Variants in PTPRD observed in about 807,000 individuals in gnomAD.
PTPRD encodes protein tyrosine phosphatase receptor type D.
Under a neutral mutation model 214.5 loss-of-function variants are expected in PTPRD, and 34 were observed. The ratio of observed to expected loss-of-function variants is 0.16; its 90% CI spans 0.12 to 0.21. The LOEUF is 0.21. Among genes scored for constraint, PTPRD ranks in the 10% least tolerant of loss-of-function variants. PTPRD has a pLI of 1.00. For synonymous variants in PTPRD, 1,128 were observed against 845.7 expected, an observed-to-expected ratio of 1.33 and a Z score of -5.79; for missense variants, 2,545 against 2,398.7, an observed-to-expected ratio of 1.06 and a Z score of -1.27.
At chr9:9,595,440 A>G (rs1195717437) in intron 7 of PTPRD, among the ~76,000 whole-genome samples, 1 of 150,102 alleles carries the variant, frequency 6.7e-6, no homozygotes, top group Non-Finnish European at 1.5e-5. Flanking sequence ...ACACACGTGT[A>G]CACATGCATA....
chr9:10,143,197 C>T (rs1185727117), intron 3 of PTPRD, among the ~76,000 whole-genome samples: 3 of 151,930 alleles, frequency 2.0e-5, no homozygotes, highest in South Asian at 4.2e-4. Flanking sequence ...GTGGGTGCAG[C>T]GCACCGGCAT....
At chr9:9,407,689 T>A (rs1228760508) in intron 8 of PTPRD, among the ~76,000 whole-genome samples, 1 of 151,836 alleles carries the variant, frequency 6.6e-6, no homozygotes, top group Non-Finnish European at 1.5e-5. Context: ...TCAGTTTCTT[T>A]ACTTGTTCCT....
rs567654221 is a variant in PTPRD, at chr9:8,567,560, A to G, written c.353-38781T>C. Reference sequence around the variant, plus strand: ...GCACAGTCATCATGGTATTTCCAGCATTTTGCTAGGCCTCAGTGCCACAGT... The same window carrying G: ...GCACAGTCATCATGGTATTTCCAGCGTTTTGCTAGGCCTCAGTGCCACAGT... On this transcript the variant is annotated intron_variant, in intron 14 of 45. Transcript: ENST00000381196. 2.6e-5 allele frequency among the ~76,000 whole-genome samples: 4 copies of G among 152,286 alleles called. No individual in the cohort carries two copies. In the East Asian group the frequency reaches 7.7e-4, roughly 29 times the overall value.
intron 8 of PTPRD, among the ~76,000 whole-genome samples, chr9:9,435,457 G>A (rs758700636): frequency 4.0e-5 from 6 of 151,134 alleles, no homozygotes; most frequent in Non-Finnish European, 7.4e-5. Flanking sequence ...GCTGCAGTAA[G>A]CTGAGCTATG....
At chr9:8,455,628 T>A (rs2096164196) in intron 33 of PTPRD, among the ~76,000 whole-genome samples, 1 of 152,168 alleles carries the variant, frequency 6.6e-6, no homozygotes, top group South Asian at 2.1e-4. Context: ...AAATCCACAT[T>A]TAAATGGTAC....
chr9:10,452,187 GTA>G (rs1314078480), intron 2 of PTPRD, among the ~76,000 whole-genome samples: 1 of 151,888 alleles, frequency 6.6e-6, no homozygotes, highest in Non-Finnish European at 1.5e-5. Flanking sequence ...ACTTTATTGT[GTA>G]TATATATGGC....
intron 3 of PTPRD, among the ~76,000 whole-genome samples, chr9:10,209,003 C>G (rs1178291459): frequency 6.6e-6 from 1 of 152,112 alleles, no homozygotes; most frequent in Non-Finnish European, 1.5e-5. Context: ...AAACTTTGAA[C>G]ACTACTTGGT....
intron 2 of PTPRD, among the ~76,000 whole-genome samples, chr9:10,383,923 A>G (rs1003947904): frequency 6.6e-6 from 1 of 151,894 alleles, no homozygotes; most frequent in African/African-American, 2.4e-5. Context: ...AATATTAACC[A>G]TAGGTTTAAT....
chr9:9,889,787 G>A (rs182234048), intron 5 of PTPRD, among the ~76,000 whole-genome samples: 13 of 148,960 alleles, frequency 8.7e-5, no homozygotes, highest in Admixed American at 2.6e-4. Flanking sequence ...AGTTCCTGCT[G>A]AGTGTGTGTG....
chr9:9,586,337 G>A (rs1199884589), intron 7 of PTPRD, among the ~76,000 whole-genome samples: 1 of 151,858 alleles, frequency 6.6e-6, no homozygotes, highest in African/African-American at 2.4e-5. Flanking sequence ...TTGGTTTAAT[G>A]AATACTTACT....
intron 9 of PTPRD, among the ~76,000 whole-genome samples, chr9:9,373,050 A>C (rs1273051212): frequency 6.6e-6 from 1 of 152,062 alleles, no homozygotes; most frequent in Non-Finnish European, 1.5e-5. Flanking sequence ...ATGTATCTTT[A>C]ATTGCCACTA....
intron 8 of PTPRD, among the ~76,000 whole-genome samples, chr9:9,510,969 C>G (rs2096690800): frequency 6.6e-6 from 1 of 151,650 alleles, no homozygotes; most frequent in Admixed American, 6.6e-5. Context: ...AGTGGGACCT[C>G]TGGGAGACAC....
intron 5 of PTPRD, among the ~76,000 whole-genome samples, chr9:9,927,099 C>T (rs2084590016): frequency 6.6e-6 from 1 of 152,084 alleles, no homozygotes; most frequent in Non-Finnish European, 1.5e-5. Flanking sequence ...CTATAAACAT[C>T]ACAGATTTTG....
chr9:8,630,517 T>C (rs1309716937), intron 14 of PTPRD, among the ~76,000 whole-genome samples: 1 of 151,876 alleles, frequency 6.6e-6, no homozygotes, highest in African/African-American at 2.4e-5. Flanking sequence ...TATAAAAGTA[T>C]TCTATTTTAA....
At chr9:10,396,688 T>A in intron 2 of PTPRD, among the ~76,000 whole-genome samples, 1 of 152,026 alleles carries the variant, frequency 6.6e-6, no homozygotes, top group Non-Finnish European at 1.5e-5. Flanking sequence ...GGGAAATAAC[T>A]GCAGATTTCA....
chr9:8,497,804 A>AT (rs1487902652), intron 25 of PTPRD, among the ~76,000 whole-genome samples: 1 of 152,208 alleles, frequency 6.6e-6, no homozygotes, highest in East Asian at 1.9e-4. Context: ...TTCACATTTA[A>AT]TGCATTTGGT....
At chr9:9,461,197 G>T (rs920347398) in intron 8 of PTPRD, among the ~76,000 whole-genome samples, 1 of 108,232 alleles carries the variant, frequency 9.2e-6, no homozygotes, top group African/African-American at 3.1e-5. Context: ...TAGGGTTGAG[G>T]TTAAAAAAAA....
At chr9:9,291,753 C>T (rs909672626) in intron 9 of PTPRD, among the ~76,000 whole-genome samples, 6 of 148,744 alleles carry the variant, frequency 4.0e-5, no homozygotes, top group Admixed American at 1.4e-4. Context: ...TTTCTTATTT[C>T]GGAAGATTTA....
At chr9:9,320,008 T>C (rs1595725695) in intron 9 of PTPRD, among the ~76,000 whole-genome samples, 1 of 152,252 alleles carries the variant, frequency 6.6e-6, no homozygotes, top group Admixed American at 6.5e-5. Context: ...CCTAAAGATA[T>C]ATTAGCTAAG....
Sources: gnomAD v4.1 joint callset for allele counts (sites outside exome capture counted in the v4.1 genomes callset) on GRCh38, gnomAD v4.1.1 for gene constraint, MANE v1.5 for transcripts, NCBI Gene and HGNC (gene_info 2026-07-23, HGNC 2026-07-21) for gene names.